The following SLC6A2 variants were observed in gnomAD, a reference collection of about 807,000 sequenced individuals.
SLC6A2 encodes sodium-dependent noradrenaline transporter.
SLC6A2 carries 26 observed loss-of-function variants against 71.7 expected under a neutral mutation model. The observed-to-expected ratio is 0.36, with a 90% CI of 0.27 to 0.50. The LOEUF (loss-of-function observed/expected upper bound fraction) is 0.50, where lower values mean the gene tolerates loss of function less well. SLC6A2 is among the 20% of genes least tolerant of loss of function. SLC6A2 has a pLI of 0.96. For missense variants in SLC6A2, 581 were observed against 803.9 expected, an observed-to-expected ratio of 0.72 and a Z score of 3.35; for synonymous variants, 363 against 337.9, an observed-to-expected ratio of 1.07 and a Z score of -0.82.
chr16:55,672,109 G>A lies in SLC6A2; in HGVS notation c.578G>A (p.Gly193Asp). 1 of 1,614,134 alleles carries A rather than the reference G, an allele frequency of 6.2e-7. No individual in the cohort carries two copies. Among genetic ancestry groups the A allele is most frequent in the Non-Finnish European group, 8.5e-7 (1 of 1,180,030 alleles). ...PNCTDPKLLN[G>D]SVLGNHTKYS... ...TGTACCGACCCCAAGCTCCTCAATG[G>A]CTCCGTGCTTGGCAACCACACCAAG... is the stretch of plus-strand genomic sequence containing the variant. Residue 193 changes from glycine to aspartate, a missense_variant, in exon 4 of 15, where the codon GGC becomes GAC. Around this residue, in one of 5 missense-constraint regions of SLC6A2, gnomAD observed 87 missense variants for 99.5 expected, o/e 0.87. Coordinates refer to ENST00000568943, the MANE Select transcript of SLC6A2 (RefSeq NM_001172501.3).
chr16:55,692,076 C>G, intron 6 of SLC6A2, 24 bp downstream of exon 6: 1 of 1,613,974 alleles, frequency 6.2e-7, no homozygotes, highest in Non-Finnish European at 8.5e-7. Context: ...GACCACCAAG[C>G]CTTGGGCCAG....
chr16:55,702,466 T>C lies in SLC6A2; in HGVS notation c.*120T>C. On this transcript the variant is annotated 3_prime_UTR_variant, in exon 15 of 15. Transcript: ENST00000568943. ...CCCTGGAAGTTGTCCTTTCTGATCC[T>C]CTCTTCTTTTCCCATTTACAAATGA... 1 of 1,583,480 alleles carries C rather than the reference T, an allele frequency of 6.3e-7. No homozygotes were observed. Among genetic ancestry groups the C allele is most frequent in the East Asian group, 2.3e-5 (1 of 43,006 alleles).
chr16:55,671,964 G>A lies in SLC6A2; in HGVS notation c.433G>A (p.Ala145Thr), dbSNP rs1353298980. The change falls in exon 4 of 15, where the codon GCC becomes ACC. Residue 145 changes from alanine to threonine, a missense_variant. Coordinates refer to ENST00000568943, the MANE Select transcript of SLC6A2 (RefSeq NM_001172501.3). ...CGTTGGCTATGCTGTCATCCTGATC[G>A]CCCTGTACGTTGGCTTCTACTACAA... ...KGVGYAVILI[A>T]LYVGFYYNVI... The A allele has an allele frequency of 8.7e-6, 14 of 1,614,034 alleles. No homozygotes were observed. Among genetic ancestry groups the A allele is most frequent in the Non-Finnish European group, 1.2e-5 (14 of 1,180,012 alleles).
At chr16:55,701,750 A>G in intron 13 of SLC6A2, 113 bp from the exon 14 acceptor site, 1 of 800,952 alleles carries the variant, frequency 1.2e-6, no homozygotes, top group Non-Finnish European at 2.3e-6. Flanking sequence ...AATGCTATCC[A>G]TGTGGGGCTG....
chr16:55,699,453 C>A, intron 11 of SLC6A2, 101 bp from the exon 12 acceptor site: 1 of 883,492 alleles, frequency 1.1e-6, no homozygotes, highest in Non-Finnish European at 1.9e-6. Flanking sequence ...AGCATCTTGC[C>A]TCACTGCCCT....
intron 14 of SLC6A2, 70 bp from the exon 15 acceptor site, chr16:55,702,253 C>T: frequency 6.8e-7 from 1 of 1,477,436 alleles, no homozygotes; most frequent in South Asian, 1.1e-5. Context: ...CTCCTGCTGC[C>T]CCCGCCAGCT....
chr16:55,686,691 A>G (rs769572755), intron 5 of SLC6A2, among the ~76,000 whole-genome samples: 69 of 152,328 alleles, frequency 4.5e-4, no homozygotes, highest in Non-Finnish European at 2.2e-4. Flanking sequence ...AGCAGCAGCC[A>G]GTAGAGATGA....
chr16:55,673,314 T>A (rs932121865), intron 4 of SLC6A2, among the ~76,000 whole-genome samples: 2 of 152,216 alleles, frequency 1.3e-5, no homozygotes, highest in Non-Finnish European at 2.9e-5. Context: ...TTGTTACTTG[T>A]GATGTTAACC....
At chr16:55,668,158 C>G (rs1596958848) in intron 2 of SLC6A2, among the ~76,000 whole-genome samples, 2 of 152,154 alleles carry the variant, frequency 1.3e-5, no homozygotes, top group African/African-American at 2.4e-5. Flanking sequence ...AGGGCCAACA[C>G]TTCATGCTTC....
intron 4 of SLC6A2, among the ~76,000 whole-genome samples, chr16:55,678,310 A>G: frequency 6.8e-6 from 1 of 148,138 alleles, no homozygotes; most frequent in East Asian, 2.0e-4. Context: ...CTGCCTCTGG[A>G]CTTTTTTTTT....
At chr16:55,666,086 C>T (rs1964742677) in intron 2 of SLC6A2, among the ~76,000 whole-genome samples, 1 of 152,222 alleles carries the variant, frequency 6.6e-6, no homozygotes, top group South Asian at 2.1e-4. Context: ...CTGAGCTCCT[C>T]ATGAGGCATG....
At chr16:55,664,477 C>T (rs772632984) in intron 2 of SLC6A2, among the ~76,000 whole-genome samples, 12 of 152,188 alleles carry the variant, frequency 7.9e-5, no homozygotes, top group Admixed American at 1.3e-4. Flanking sequence ...CTCCAGCTGG[C>T]GTTCATGCTG....
chr16:55,656,610 C>G lies in SLC6A2; in HGVS notation c.-51-34C>G. On this transcript the variant is annotated intron_variant, in intron 1 of 14. Transcript: ENST00000568943. The surrounding 1 kb of genome is among the most constrained non-coding windows in gnomAD (Gnocchi z 4.5). ...GGAGTTGCAAGTAGGGAGGAACGGC[C>G]GGGTAACCACCTCTTTTCCCTTTAT... 3 of 1,568,736 alleles carry G rather than the reference C, an allele frequency of 1.9e-6. No individual in the cohort carries two copies. Among genetic ancestry groups the G allele is most frequent in the East Asian group, 2.2e-5 (1 of 44,656 alleles).
intron 5 of SLC6A2, among the ~76,000 whole-genome samples, chr16:55,686,647 G>C (rs1861646): frequency 6.6e-6 from 1 of 151,940 alleles, no homozygotes; most frequent in Non-Finnish European, 1.5e-5. Flanking sequence ...AGAGTTCTTG[G>C]TCATGCCATT....
rs3785156 is a variant in SLC6A2, at chr16:55,692,462, G to C, written c.918+410G>C. 4.9e-3 allele frequency among the ~76,000 whole-genome samples: 743 copies of C among 152,220 alleles called. 12 individuals are homozygous for C. The East Asian group carries it at 0.069, about 14-fold the overall frequency. Reference sequence around the variant, plus strand: ...TCTTTGCCACCATCCTGTGATGTCAGCACAAGGATAGTCTTAGCCACCAGG... The same window carrying C: ...TCTTTGCCACCATCCTGTGATGTCACCACAAGGATAGTCTTAGCCACCAGG... On this transcript the variant is annotated intron_variant, in intron 6 of 14. Transcript: ENST00000568943.
intron 4 of SLC6A2, among the ~76,000 whole-genome samples, chr16:55,683,483 G>A (rs1965344777): frequency 6.6e-6 from 1 of 152,034 alleles, no homozygotes; most frequent in Non-Finnish European, 1.5e-5. Context: ...TATGATGGTG[G>A]GCTTCTGTAA....
At chr16:55,678,658 C>A (rs1965171955) in intron 4 of SLC6A2, among the ~76,000 whole-genome samples, 1 of 152,208 alleles carries the variant, frequency 6.6e-6, no homozygotes, top group South Asian at 2.1e-4. Context: ...AAAACTTCCA[C>A]CCCATGCCGG....
At chr16:55,683,612 T>TCAAA (rs55763616) in intron 4 of SLC6A2, among the ~76,000 whole-genome samples, 60 of 150,784 alleles carry the variant, frequency 4.0e-4, no homozygotes, top group African/African-American at 8.8e-4. Context: ...AAACTCCGTC[T>TCAAA]CAAACAAACA....
chr16:55,660,333 G>T (rs1964576636), intron 2 of SLC6A2, among the ~76,000 whole-genome samples: 1 of 152,192 alleles, frequency 6.6e-6, no homozygotes. Flanking sequence ...TTATACCAGT[G>T]AATTTCCATT....
Sources: gnomAD v4.1 joint callset for allele counts (sites outside exome capture counted in the v4.1 genomes callset) on GRCh38, gnomAD v4.1.1 for gene constraint, gnomAD v4.1.1 regional missense constraint, Gnocchi (gnomAD v3.1) non-coding constraint, MANE v1.5 for transcripts, NCBI Gene and HGNC (gene_info 2026-07-23, HGNC 2026-07-21) for gene names.